The following SHROOM3 variants were observed in gnomAD, a reference collection of about 807,000 sequenced individuals.
SHROOM3 encodes the protein shroom family member 3.
SHROOM3 carries 47 observed loss-of-function variants against 138.6 expected under a neutral mutation model. The observed-to-expected ratio is 0.34, with a 90% CI of 0.27 to 0.43. The LOEUF is 0.43. SHROOM3 is among the 20% of genes least tolerant of loss of function. The pLI, the probability that SHROOM3 is intolerant of heterozygous loss-of-function variation, is 1.00. For missense variants in SHROOM3, 2,491 were observed against 2,596.5 expected (o/e 0.96, Z 0.88); for synonymous variants, 1,062 against 1,063.3 (o/e 1.00, Z 0.02).
chr4:76,554,004 T>C (rs1457264933), intron 1 of SHROOM3, among the ~76,000 whole-genome samples: 1 of 152,210 alleles, frequency 6.6e-6, no homozygotes, highest in African/African-American at 2.4e-5. Flanking sequence ...TCACTCTTGG[T>C]GCTGTACATT....
At chr4:76,716,541 G>T (rs969502104) in intron 3 of SHROOM3, 1 of 422,114 alleles carries the variant, frequency 2.4e-6, no homozygotes, top group Non-Finnish European at 4.7e-6. Context: ...CCAACTGCCT[G>T]TTAGGTTTAA....
At chr4:76,689,665 G>T (rs978987963) in intron 2 of SHROOM3, 128 of 985,334 alleles carry the variant, frequency 1.3e-4, no homozygotes, top group Non-Finnish European at 1.5e-4. Flanking sequence ...GGAGCCCCGA[G>T]CAGCCCGGGG....
At chr4:76,492,090 T>C (rs964208191) in intron 1 of SHROOM3, among the ~76,000 whole-genome samples, 2 of 152,214 alleles carry the variant, frequency 1.3e-5, no homozygotes, top group African/African-American at 4.8e-5. Flanking sequence ...TAGGTTTCAA[T>C]AGTGCAATGT....
intron 1 of SHROOM3, among the ~76,000 whole-genome samples, chr4:76,526,786 G>A (rs1732699246): frequency 6.6e-6 from 1 of 152,196 alleles, no homozygotes; most frequent in African/African-American, 2.4e-5. Flanking sequence ...GCAAGAGAGA[G>A]AGCCTGGATG....
intron 1 of SHROOM3, among the ~76,000 whole-genome samples, chr4:76,483,570 A>G (rs528242002): frequency 6.6e-6 from 1 of 152,334 alleles, no homozygotes; most frequent in South Asian, 2.1e-4. Flanking sequence ...TAGTTCAACC[A>G]TTTTAGAAGA....
chr4:76,627,613 A>G (rs1383607629), intron 2 of SHROOM3, among the ~76,000 whole-genome samples: 1 of 151,932 alleles, frequency 6.6e-6, no homozygotes, highest in African/African-American at 2.4e-5. Flanking sequence ...CACAAAGCCT[A>G]TGATTATCAT....
intron 2 of SHROOM3, among the ~76,000 whole-genome samples, chr4:76,572,485 G>A (rs553150073): frequency 1.3e-5 from 2 of 152,216 alleles, no homozygotes; most frequent in Admixed American, 6.5e-5. Flanking sequence ...AGTGCAGTCA[G>A]TAGGAAACCT....
chr4:76,608,743 T>TAGCACAGCAC (rs1553928262), intron 2 of SHROOM3, among the ~76,000 whole-genome samples: 2 of 130,438 alleles, frequency 1.5e-5, no homozygotes, highest in Non-Finnish European at 3.4e-5. Context: ...TAGCATAGCA[T>TAGCACAGCAC]AGCACAGTGT....
At chr4:76,479,704 G>A (rs1186502131) in intron 1 of SHROOM3, among the ~76,000 whole-genome samples, 1 of 152,154 alleles carries the variant, frequency 6.6e-6, no homozygotes, top group East Asian at 1.9e-4. Flanking sequence ...TTGAAATGAA[G>A]GAAAATACGT....
chr4:76,673,440 G>C (rs538877440), intron 2 of SHROOM3, among the ~76,000 whole-genome samples: 2 of 151,964 alleles, frequency 1.3e-5, no homozygotes, highest in Admixed American at 1.3e-4. Flanking sequence ...TCTCCTCTCT[G>C]TTTCTGTAAA....
intron 4 of SHROOM3, among the ~76,000 whole-genome samples, chr4:76,733,670 G>A (rs1284831808): frequency 6.6e-6 from 1 of 152,156 alleles, no homozygotes; most frequent in Non-Finnish European, 1.5e-5. Context: ...GTGGCATCTA[G>A]TGGTCCAGTG....
intron 1 of SHROOM3, among the ~76,000 whole-genome samples, chr4:76,492,140 A>G (rs1021655454): frequency 6.6e-6 from 1 of 152,236 alleles, no homozygotes; most frequent in East Asian, 1.9e-4. Flanking sequence ...TAAATTAAAC[A>G]TTCCCATAGC....
intron 9 of SHROOM3, among the ~76,000 whole-genome samples, chr4:76,769,484 T>C (rs1289134595): frequency 6.6e-6 from 1 of 152,224 alleles, no homozygotes; most frequent in Non-Finnish European, 1.5e-5. Flanking sequence ...TATAAATGAA[T>C]TCAAACTAGA....
At chr4:76,573,256 T>C (rs554392047) in intron 2 of SHROOM3, among the ~76,000 whole-genome samples, 2 of 151,718 alleles carry the variant, frequency 1.3e-5, no homozygotes, top group South Asian at 2.1e-4. Flanking sequence ...TGATAATCAT[T>C]GAATTTATTT....
intron 1 of SHROOM3, among the ~76,000 whole-genome samples, chr4:76,554,689 G>C (rs1490407474): frequency 1.3e-5 from 2 of 152,082 alleles, no homozygotes; most frequent in South Asian, 2.1e-4. Context: ...CAAAGTGCTG[G>C]GATTACAGGC....
At chr4:76,629,151 T>C (rs1735237774) in intron 2 of SHROOM3, among the ~76,000 whole-genome samples, 1 of 152,192 alleles carries the variant, frequency 6.6e-6, no homozygotes, top group African/African-American at 2.4e-5. Flanking sequence ...CAGCTGGTTG[T>C]AATTTTAAAT....
chr4:76,717,464 T>C (rs1167712698), intron 3 of SHROOM3, among the ~76,000 whole-genome samples: 1 of 152,240 alleles, frequency 6.6e-6, no homozygotes, highest in Non-Finnish European at 1.5e-5. Flanking sequence ...CATTCTGGTA[T>C]TTCCATTACG....
chr4:76,602,979 CATT>C (rs1734536612), intron 2 of SHROOM3, among the ~76,000 whole-genome samples: 1 of 152,136 alleles, frequency 6.6e-6, no homozygotes, highest in Non-Finnish European at 1.5e-5. Flanking sequence ...TTATTGTCAT[CATT>C]ATTGTTGCAT....
chr4:76,707,316 G>A (rs1283462260), intron 2 of SHROOM3, among the ~76,000 whole-genome samples: 1 of 152,214 alleles, frequency 6.6e-6, no homozygotes, highest in East Asian at 1.9e-4. Context: ...ATGATTCCAT[G>A]TGTGGTTTGA....
Sources: gnomAD v4.1 joint callset for allele counts (sites outside exome capture counted in the v4.1 genomes callset) on GRCh38, gnomAD v4.1.1 for gene constraint, MANE v1.5 for transcripts, NCBI Gene and HGNC (gene_info 2026-07-23, HGNC 2026-07-21) for gene names.